The following ANO2 variants were observed in gnomAD, a reference collection of about 807,000 sequenced individuals.
ANO2 encodes the protein anoctamin 2.
A neutral mutation model predicts 124.2 loss-of-function variants in ANO2; 101 were observed. The ratio of observed to expected loss-of-function variants is 0.81; its 90% confidence interval spans 0.69 to 0.96. ANO2 has a LOEUF of 0.96. Ranked by LOEUF, ANO2 falls within the 40% of genes least tolerant of loss-of-function variation. The probability of loss-of-function intolerance (pLI) is 0.00; values close to 1 mark genes in which losing one functional copy is unlikely to be tolerated. For synonymous variants in ANO2, 486 were observed against 482.5 expected (o/e 1.01, Z -0.09); for missense variants, 1,293 against 1,274.5 (o/e 1.01, Z -0.22).
At chr12:5,591,885 G>C (rs1943410742) in intron 20 of ANO2, among the ~76,000 whole-genome samples, 1 of 152,186 alleles carries the variant, frequency 6.6e-6, no homozygotes. Flanking sequence ...GGCAGGAGGG[G>C]AGTCACTGCA....
intron 3 of ANO2, among the ~76,000 whole-genome samples, chr12:5,858,028 T>C (rs891567348): frequency 6.6e-6 from 1 of 151,988 alleles, no homozygotes; most frequent in African/African-American, 2.4e-5. Context: ...CTGGGCAAAA[T>C]GTGGAGAGGG....
chr12:5,825,688 G>GT (rs1953933077), intron 7 of ANO2, among the ~76,000 whole-genome samples: 1 of 152,206 alleles, frequency 6.6e-6, no homozygotes, highest in Non-Finnish European at 1.5e-5. Context: ...CCATCAAGAT[G>GT]AAATCAGTCT....
intron 15 of ANO2, among the ~76,000 whole-genome samples, chr12:5,640,194 G>A (rs1946264562): frequency 1.3e-5 from 2 of 152,140 alleles, no homozygotes; most frequent in African/African-American, 2.4e-5. Context: ...CAACTGACTC[G>A]GTAGATTGGC....
intron 3 of ANO2, among the ~76,000 whole-genome samples, chr12:5,887,038 T>G (rs555767137): frequency 6.6e-6 from 1 of 152,360 alleles, no homozygotes; most frequent in African/African-American, 2.4e-5. Context: ...AATGTGAATG[T>G]ACTTAATGCC....
At chr12:5,783,157 A>C (rs1228542176) in intron 10 of ANO2, among the ~76,000 whole-genome samples, 1 of 152,162 alleles carries the variant, frequency 6.6e-6, no homozygotes, top group Non-Finnish European at 1.5e-5. Context: ...CCCATCTCTC[A>C]CACAAATGCC....
intron 11 of ANO2, among the ~76,000 whole-genome samples, chr12:5,748,394 A>C (rs1366738467): frequency 6.6e-6 from 1 of 152,196 alleles, no homozygotes; most frequent in Non-Finnish European, 1.5e-5. Context: ...CTTAGAACAC[A>C]CCCAGGCAAG....
At chr12:5,813,854 G>A (rs1207790419) in intron 7 of ANO2, among the ~76,000 whole-genome samples, 3 of 152,168 alleles carry the variant, frequency 2.0e-5, no homozygotes, top group Non-Finnish European at 4.4e-5. Flanking sequence ...AGCTTAGAGA[G>A]CACTGAGAGG....
intron 7 of ANO2, among the ~76,000 whole-genome samples, chr12:5,822,788 T>G (rs1218864455): frequency 6.6e-6 from 1 of 152,182 alleles, no homozygotes; most frequent in Non-Finnish European, 1.5e-5. Flanking sequence ...ATTTTCACAC[T>G]GCTGATAAAG....
intron 14 of ANO2, among the ~76,000 whole-genome samples, chr12:5,694,251 C>CAGAGAG (rs5796182): frequency 0.1 from 13,932 of 133,708 alleles, 781 homozygotes; most frequent in Middle Eastern, 0.15. Context: ...TTACCAGAGA[C>CAGAGAG]AGAGAGAGAG....
At chr12:5,847,120 C>T (rs1954708254) in intron 4 of ANO2, among the ~76,000 whole-genome samples, 1 of 152,146 alleles carries the variant, frequency 6.6e-6, no homozygotes, top group Non-Finnish European at 1.5e-5. Context: ...GCAGATTACC[C>T]TCCCTAATGT....
intron 19 of ANO2, 151 bp downstream of exon 19, chr12:5,612,505 C>G (rs1259961012): frequency 1.5e-6 from 1 of 667,018 alleles, no homozygotes; most frequent in Non-Finnish European, 2.6e-6. Flanking sequence ...CAAAGTTTGC[C>G]CCATGGGGAA....
At chr12:5,837,948 A>G (rs1954382691) in intron 4 of ANO2, among the ~76,000 whole-genome samples, 1 of 151,960 alleles carries the variant, frequency 6.6e-6, no homozygotes. Context: ...AGGATCAACA[A>G]AATTGATAGA....
intron 3 of ANO2, among the ~76,000 whole-genome samples, chr12:5,905,225 C>T (rs774218798): frequency 2.0e-5 from 3 of 152,152 alleles, no homozygotes; most frequent in African/African-American, 7.2e-5. Context: ...GCACCTGGAG[C>T]CACCTGGGGC....
At chr12:5,564,744 A>G (rs1467990833) in intron 24 of ANO2, 1 of 152,280 alleles carries the variant, frequency 6.6e-6, no homozygotes, top group Non-Finnish European at 1.5e-5. Context: ...GCGATCATTC[A>G]AACATATCGC....
chr12:5,627,525 G>A (rs917554921), intron 16 of ANO2, among the ~76,000 whole-genome samples: 6 of 152,210 alleles, frequency 3.9e-5, no homozygotes, highest in Non-Finnish European at 5.9e-5. Context: ...GCTGCAGAGA[G>A]CAGACCCCCC....
In ANO2 at chr12:5,692,616, C is replaced by T. The variant is rs115371006; in HGVS notation, c.1545+39904G>A. ...GCAAGAATCTAAGTTCAGGTCCTGG[C>T]GGCAATTCACAGTGCCCAAGTGTGG... On this transcript the variant is annotated intron_variant, in intron 14 of 24. Transcript: ENST00000682330. 7.0e-3 allele frequency among the ~76,000 whole-genome samples: 1,062 copies of T among 152,216 alleles called. 14 individuals carry two copies. The highest frequency in any genetic ancestry group is 0.025 in the African/African-American group (1,031 of 41,520).
At chr12:5,715,407 T>C (rs1949988018) in intron 14 of ANO2, among the ~76,000 whole-genome samples, 1 of 152,194 alleles carries the variant, frequency 6.6e-6, no homozygotes, top group Non-Finnish European at 1.5e-5. Context: ...ATTCTCTTTC[T>C]TCATTAGTGA....
intron 19 of ANO2, among the ~76,000 whole-genome samples, chr12:5,607,873 A>G (rs1565467729): frequency 6.6e-6 from 1 of 152,212 alleles, no homozygotes; most frequent in East Asian, 1.9e-4. Flanking sequence ...CTGATTCTAC[A>G]TTATGGTAAG....
At chr12:5,810,456 CT>C (rs1382543563) in intron 7 of ANO2, among the ~76,000 whole-genome samples, 5 of 152,144 alleles carry the variant, frequency 3.3e-5, no homozygotes, top group African/African-American at 1.2e-4. Flanking sequence ...AAAAAATGGG[CT>C]AATTGGTTCC....
Sources: gnomAD v4.1 joint callset for allele counts (sites outside exome capture counted in the v4.1 genomes callset) on GRCh38, gnomAD v4.1.1 for gene constraint, MANE v1.5 for transcripts, NCBI Gene and HGNC (gene_info 2026-07-23, HGNC 2026-07-21) for gene names.